PSPC1: variants seen among roughly 807,000 people sequenced by gnomAD.
PSPC1 encodes the protein paraspeckle component 1, also known as paraspeckle protein 1.
A neutral mutation model predicts 51.6 loss-of-function variants in PSPC1; 14 were observed. The ratio of observed to expected loss-of-function variants is 0.27; its 90% CI spans 0.18 to 0.42. The LOEUF (loss-of-function observed/expected upper bound fraction) is 0.42, where lower values mean the gene tolerates loss of function less well. Among genes scored for constraint, PSPC1 ranks in the 10% least tolerant of loss-of-function variants. The pLI is 1.00. For synonymous variants in PSPC1, 193 were observed against 231.9 expected, an observed-to-expected ratio of 0.83 and a Z score of 1.53; for missense variants, 406 against 701.1, an observed-to-expected ratio of 0.58 and a Z score of 4.75.
chr13:19,672,721 T>G (rs895561973), downstream of PSPC1: 1 of 163,918 alleles, frequency 6.1e-6, no homozygotes, highest in Non-Finnish European at 1.3e-5. Context: ...TAGTCACTTA[T>G]CATCTTTTCA....
At chr13:19,709,186 T>G (rs1461079519) in intron 7 of PSPC1, among the ~76,000 whole-genome samples, 1 of 115,410 alleles carries the variant, frequency 8.7e-6, no homozygotes. Context: ...AAAAGCCAAA[T>G]AGAAGGCATA....
At chr13:19,779,346 CG>C (rs1456703677) in intron 1 of PSPC1, among the ~76,000 whole-genome samples, 1 of 112,954 alleles carries the variant, frequency 8.9e-6, no homozygotes, top group African/African-American at 3.3e-5. Context: ...TCAGCCCCCC[CG>C]CCCGGCCAGC....
chr13:19,747,849 G>C (rs370293250), intron 4 of PSPC1, among the ~76,000 whole-genome samples: 2 of 152,058 alleles, frequency 1.3e-5, no homozygotes, highest in African/African-American at 2.4e-5. Flanking sequence ...ATGTTTCTGC[G>C]GAACCACACA....
chr13:19,736,553 G>A (rs1380226866), intron 5 of PSPC1, among the ~76,000 whole-genome samples: 1 of 152,024 alleles, frequency 6.6e-6, no homozygotes, highest in Non-Finnish European at 1.5e-5. Flanking sequence ...TGTGGTGACA[G>A]GCGCCTGTAA....
downstream of PSPC1, among the ~76,000 whole-genome samples, chr13:19,701,797 C>A (rs536819335): frequency 3.5e-4 from 54 of 152,260 alleles, 1 homozygote; most frequent in African/African-American, 1.1e-3. Flanking sequence ...ATATAGCAAA[C>A]CATAATGATG....
At chr13:19,761,321 G>T (rs1198274687) in intron 2 of PSPC1, among the ~76,000 whole-genome samples, 1 of 152,106 alleles carries the variant, frequency 6.6e-6, no homozygotes, top group African/African-American at 2.4e-5. Context: ...AGGAGAAAAG[G>T]AGAGTTCATG....
chr13:19,746,202 G>C (rs989168994), intron 4 of PSPC1, among the ~76,000 whole-genome samples: 1 of 151,762 alleles, frequency 6.6e-6, no homozygotes, highest in Non-Finnish European at 1.5e-5. Context: ...AGGAGTTCAA[G>C]ATCAGCCTGA....
In PSPC1 at chr13:19,764,376, C is replaced by T. The variant is rs76643639; in HGVS notation, c.675-4958G>A. ...CATGCATGCACAATAATTTTTTTAA[C>T]CATACCAACTGGTATACATCTGGGG... is the stretch of plus-strand genomic sequence containing the variant. On this transcript the variant is annotated intron_variant, in intron 2 of 8. Coordinates refer to ENST00000338910, the MANE Select transcript of PSPC1 (RefSeq NM_001354909.2). Among the ~76,000 whole-genome samples the T allele has an allele frequency of 4.9e-4, 75 of 152,126 alleles. 2 individuals are homozygous for T. In the East Asian group the frequency reaches 0.014, roughly 27 times the overall value.
At chr13:19,756,363 T>C (rs904929861) in intron 3 of PSPC1, among the ~76,000 whole-genome samples, 2 of 152,174 alleles carry the variant, frequency 1.3e-5, no homozygotes, top group African/African-American at 2.4e-5. Context: ...CAATTCTTTG[T>C]TCAAGACGCC....
At chr13:19,742,056 C>T (rs1464617969) in intron 4 of PSPC1, among the ~76,000 whole-genome samples, 3 of 151,950 alleles carry the variant, frequency 2.0e-5, no homozygotes, top group Admixed American at 6.6e-5. Flanking sequence ...CACTTGAACC[C>T]GGGAGGTGGA....
chr13:19,690,279 TGAA>T (rs1307058303), intron 6 of PSPC1, among the ~76,000 whole-genome samples: 2 of 152,202 alleles, frequency 1.3e-5, no homozygotes, highest in Non-Finnish European at 2.9e-5. Flanking sequence ...CATCAATGTC[TGAA>T]GAAGTATATA....
intron 4 of PSPC1, among the ~76,000 whole-genome samples, chr13:19,748,225 G>GGA (rs1886189789): frequency 6.8e-6 from 1 of 147,066 alleles, no homozygotes; most frequent in Non-Finnish European, 1.5e-5. Flanking sequence ...CTCAAAAAAA[G>GGA]AAAAAAAAAA....
downstream of PSPC1, among the ~76,000 whole-genome samples, chr13:19,700,716 A>T (rs953395393): frequency 1.3e-5 from 2 of 152,104 alleles, no homozygotes; most frequent in African/African-American, 4.8e-5. Context: ...ACTTCAAATC[A>T]TCACACAAAC....
chr13:19,738,406 A>G (rs1885074466), intron 5 of PSPC1, among the ~76,000 whole-genome samples: 1 of 152,178 alleles, frequency 6.6e-6, no homozygotes, highest in African/African-American at 2.4e-5. Flanking sequence ...GTATTCGCAT[A>G]TAACCTATGC....
intron 3 of PSPC1, among the ~76,000 whole-genome samples, chr13:19,758,110 C>T (rs1887265031): frequency 6.6e-6 from 1 of 151,812 alleles, no homozygotes; most frequent in South Asian, 2.1e-4. Context: ...GTCAGGAGAT[C>T]GAGACCATCC....
At chr13:19,685,748 T>A (rs1877800080) in intron 6 of PSPC1, among the ~76,000 whole-genome samples, 1 of 152,154 alleles carries the variant, frequency 6.6e-6, no homozygotes, top group South Asian at 2.1e-4. Context: ...CTAGTTTCCT[T>A]TTGTGATCAT....
chr13:19,747,232 C>T (rs1279997774), intron 4 of PSPC1, among the ~76,000 whole-genome samples: 1 of 152,108 alleles, frequency 6.6e-6, no homozygotes, highest in East Asian at 1.9e-4. Context: ...ATGAACTAAA[C>T]TAATTGTACC....
chr13:19,707,164 CG>C (rs1463646847), intron 7 of PSPC1, among the ~76,000 whole-genome samples: 2 of 151,884 alleles, frequency 1.3e-5, no homozygotes, highest in Admixed American at 6.6e-5. Flanking sequence ...ATGGTGGGTT[CG>C]GAAGTTTTCT....
intron 6 of PSPC1, among the ~76,000 whole-genome samples, chr13:19,685,193 T>A (rs1015711667): frequency 1.3e-5 from 2 of 152,236 alleles, no homozygotes; most frequent in African/African-American, 4.8e-5. Context: ...CAAAGCTGCA[T>A]GGCACTGCGC....
Sources: gnomAD v4.1 joint callset for allele counts (sites outside exome capture counted in the v4.1 genomes callset) on GRCh38, gnomAD v4.1.1 for gene constraint, MANE v1.5 for transcripts, NCBI Gene and HGNC (gene_info 2026-07-23, HGNC 2026-07-21) for gene names.